Variants in SLC25A48 observed in about 807,000 individuals in gnomAD.
SLC25A48 encodes CTC-321K16.1.
In SLC25A48, 29 loss-of-function variants were observed where a neutral mutation model predicts 32.2. The ratio of observed to expected loss-of-function variants is 0.90; its 90% CI spans 0.67 to 1.23. The LOEUF is 1.23. Ranked by LOEUF, SLC25A48 falls within the 50% of genes most tolerant of loss-of-function variation. The pLI is 0.00. For synonymous variants in SLC25A48, 164 were observed against 172.3 expected, an observed-to-expected ratio of 0.95 and a Z score of 0.38; for missense variants, 399 against 422.7, an observed-to-expected ratio of 0.94 and a Z score of 0.49.
At chr5:135,861,006 G>T (rs1257360089) in intron 4 of SLC25A48, among the ~76,000 whole-genome samples, 1 of 152,172 alleles carries the variant, frequency 6.6e-6, no homozygotes, top group East Asian at 1.9e-4. Flanking sequence ...CCTCCTGATT[G>T]TCTCTTAGTG....
At chr5:135,651,941 C>A (rs144302702) in intron 3 of SLC25A48, among the ~76,000 whole-genome samples, 1 of 152,314 alleles carries the variant, frequency 6.6e-6, no homozygotes, top group East Asian at 1.9e-4. Flanking sequence ...ATAATGGGCA[C>A]AAACGGTGAA....
At chr5:135,679,876 T>C (rs1753853464) in intron 3 of SLC25A48, among the ~76,000 whole-genome samples, 1 of 152,122 alleles carries the variant, frequency 6.6e-6, no homozygotes, top group Non-Finnish European at 1.5e-5. Flanking sequence ...GCGAGCTTTC[T>C]CTCCAGAGCA....
intron 3 of SLC25A48, among the ~76,000 whole-genome samples, chr5:135,800,006 T>TA (rs1439149169): frequency 6.6e-6 from 1 of 151,682 alleles, no homozygotes. Context: ...CCAAGTGTAA[T>TA]ATAGTTCCTG....
intron 1 of SLC25A48, among the ~76,000 whole-genome samples, chr5:135,625,030 A>G (rs956366077): frequency 2.0e-5 from 3 of 151,970 alleles, no homozygotes; most frequent in African/African-American, 7.2e-5. Flanking sequence ...GGGGAGAAGG[A>G]TGAGCCATGT....
chr5:135,590,398 C>T (rs913774602), intron 1 of SLC25A48, among the ~76,000 whole-genome samples: 1 of 152,250 alleles, frequency 6.6e-6, no homozygotes, highest in African/African-American at 2.4e-5. Context: ...CCGGCCCCAG[C>T]CAGCCTGCAG....
intron 2 of SLC25A48, among the ~76,000 whole-genome samples, chr5:135,632,243 A>G (rs916231843): frequency 9.2e-5 from 14 of 152,330 alleles, no homozygotes; most frequent in Admixed American, 5.2e-4. Flanking sequence ...AAAAGGTTTC[A>G]TGCAGGAAAG....
At position 135,629,689 on chromosome 5, in the gene SLC25A48, C is replaced by T. The variant is rs1752513023; in HGVS notation, c.-709+313C>T. On this transcript the variant is annotated intron_variant, in intron 2 of 10. Transcript: ENST00000646290. The surrounding 1 kb of genome is among the most constrained non-coding windows in gnomAD (Gnocchi z 4.8). ...TCTGGAAGACGGTGTGAAATGTGAT[C>T]AGTTATCACAACCAAGGAGCGAGGG... is the stretch of plus-strand genomic sequence containing the variant. Among the ~76,000 whole-genome samples the T allele has an allele frequency of 2.0e-5, 3 of 152,142 alleles. No homozygotes were observed. The highest frequency in any genetic ancestry group is 4.4e-5 in the Non-Finnish European group (3 of 68,018).
chr5:135,740,644 G>A (rs182179502), intron 3 of SLC25A48, among the ~76,000 whole-genome samples: 1 of 152,304 alleles, frequency 6.6e-6, no homozygotes, highest in East Asian at 1.9e-4. Flanking sequence ...TGCCGTTTGA[G>A]TGCTTTTACA....
At chr5:135,864,161 C>A (rs2126781176) in intron 4 of SLC25A48, among the ~76,000 whole-genome samples, 1 of 152,308 alleles carries the variant, frequency 6.6e-6, no homozygotes, top group East Asian at 1.9e-4. Context: ...ACAAAGCCAT[C>A]TGAGCCCAAG....
At chr5:135,704,647 A>G (rs1754467547) in intron 3 of SLC25A48, among the ~76,000 whole-genome samples, 1 of 152,176 alleles carries the variant, frequency 6.6e-6, no homozygotes, top group South Asian at 2.1e-4. Flanking sequence ...GTGTGATCTC[A>G]TTTAATCTCT....
At chr5:135,856,549 G>A (rs1328477719) in intron 4 of SLC25A48, among the ~76,000 whole-genome samples, 2 of 152,214 alleles carry the variant, frequency 1.3e-5, no homozygotes, top group Non-Finnish European at 2.9e-5. Flanking sequence ...TGCATGGAGG[G>A]CCTGAGGCCT....
Position 135,886,648 on chromosome 5 carries a change from A to ATG in SLC25A48, c.*8-1359_*8-1358dup, listed in dbSNP as rs70976584. ...ATATATATATATATAAAATATATAT[A>ATG]TGTGTGTGTGTGTGTGTGTGTGTGT... On this transcript the variant is annotated intron_variant, in intron 7 of 7. Coordinates refer to ENST00000681962, the MANE Select transcript of SLC25A48 (RefSeq NM_001349336.2). 7.3e-4 allele frequency among the ~76,000 whole-genome samples: 47 copies of ATG among 64,728 alleles called. 1 individual carries two copies. The highest frequency in any genetic ancestry group is 3.2e-3 in the East Asian group (5 of 1,556). The allele number at this position is 64,728 out of a possible 152,430, so 42.5% of individuals were successfully genotyped here.
rs55911526 is a variant in SLC25A48, at chr5:135,886,637, A to ATATATATATATAT, written c.*8-1395_*8-1394insTATATATATATAT. Among the ~76,000 whole-genome samples, 14 of 38,576 alleles carry ATATATATATATAT rather than the reference A, an allele frequency of 3.6e-4. 1 individual carries two copies. Among genetic ancestry groups the ATATATATATATAT allele is most frequent in the African/African-American group, 4.7e-4 (3 of 6,444 alleles). 25.3% of individuals were successfully genotyped at this position (38,576 alleles called of 152,430 possible). On this transcript the variant is annotated intron_variant, in intron 7 of 7. Coordinates refer to ENST00000681962, the MANE Select transcript of SLC25A48 (RefSeq NM_001349336.2). Reference sequence around the variant, plus strand: ...TATATATATATATATATATATATATAAAATATATATATGTGTGTGTGTGTG... The same window carrying ATATATATATATAT: ...TATATATATATATATATATATATATATATATATATATATAAATATATATATGTGTGTGTGTGTG...
At chr5:135,802,265 G>C (rs1757349583) in intron 3 of SLC25A48, among the ~76,000 whole-genome samples, 2 of 151,532 alleles carry the variant, frequency 1.3e-5, no homozygotes, top group Admixed American at 1.3e-4. Context: ...TGTATACCCT[G>C]TGATATTATC....
chr5:135,688,502 C>A (rs748811280), intron 3 of SLC25A48, among the ~76,000 whole-genome samples: 4 of 152,210 alleles, frequency 2.6e-5, no homozygotes, highest in Non-Finnish European at 2.9e-5. Flanking sequence ...TGATTTATTG[C>A]AGCTTAAACA....
chr5:135,714,251 G>A (rs767115412), intron 3 of SLC25A48, among the ~76,000 whole-genome samples: 56 of 152,304 alleles, frequency 3.7e-4, no homozygotes, highest in Admixed American at 3.3e-3. Flanking sequence ...GTCTGAGTGC[G>A]GAAAGCCTGG....
chr5:135,842,197 C>T (rs1252954634), intron 1 of SLC25A48, among the ~76,000 whole-genome samples: 1 of 152,168 alleles, frequency 6.6e-6, no homozygotes, highest in Non-Finnish European at 1.5e-5. Flanking sequence ...TTGTCCCAGT[C>T]CCTTTGCCTT....
At chr5:135,788,886 C>CG (rs1445797735) in intron 3 of SLC25A48, among the ~76,000 whole-genome samples, 2 of 147,632 alleles carry the variant, frequency 1.4e-5, no homozygotes, top group African/African-American at 5.0e-5. Context: ...CCCCATGTGT[C>CG]GGGGGGTGTA....
At chr5:135,746,468 G>A in intron 3 of SLC25A48, 1 of 234,334 alleles carries the variant, frequency 4.3e-6, no homozygotes, top group South Asian at 5.7e-5. Flanking sequence ...TGTCGCCTTT[G>A]CTGCCTTTGT....
Sources: allele counts gnomAD v4.1 joint callset (sites outside exome capture counted in the v4.1 genomes callset), GRCh38; gene constraint gnomAD v4.1.1; non-coding constraint Gnocchi (gnomAD v3.1); transcripts MANE v1.5; gene names NCBI Gene and HGNC (gene_info 2026-07-23, HGNC 2026-07-21).